Variants in UMODL1 observed in about 807,000 individuals in gnomAD.
UMODL1 encodes the protein uromodulin like 1.
A neutral mutation model predicts 136.3 loss-of-function variants in UMODL1; 128 were observed. The observed-to-expected ratio is 0.94, with a 90% CI of 0.81 to 1.09. The LOEUF (loss-of-function observed/expected upper bound fraction) is 1.09, where lower values mean the gene tolerates loss of function less well. Among genes scored for constraint, UMODL1 ranks in the 50% least tolerant of loss-of-function variants. The pLI is 0.00. For missense variants in UMODL1, 1,766 were observed against 1,725.6 expected, an observed-to-expected ratio of 1.02 and a Z score of -0.41; for synonymous variants, 721 against 720.0, an observed-to-expected ratio of 1.00 and a Z score of -0.02.
In UMODL1 at chr21:42,073,351, C is replaced by T. The variant is rs565259067; in HGVS notation, c.76+1959C>T. On this transcript the variant is annotated intron_variant, in intron 1 of 22. Coordinates refer to ENST00000408910, the MANE Select transcript of UMODL1 (RefSeq NM_001004416.3). ...GCTCTCAGCCAAGCTGCCCTGGTCCCGGAAGCTGATTTGTCCTGTTCCACC... is the reference window on the plus strand; with the variant it reads ...GCTCTCAGCCAAGCTGCCCTGGTCCTGGAAGCTGATTTGTCCTGTTCCACC... 4.6e-5 allele frequency among the ~76,000 whole-genome samples: 7 copies of T among 152,304 alleles called. No homozygotes were observed. The South Asian group carries it at 1.0e-3, about 23-fold the overall frequency.
Position 42,103,870 on chromosome 21 carries a change from C to T in UMODL1, c.1302C>T (p.Val434=), listed in dbSNP as rs1236415967. Residue 434 remains valine (V), a splice_region_variant and synonymous_variant, in exon 9 of 23, where the codon GTC becomes GTT. Coordinates refer to ENST00000408910, the MANE Select transcript of UMODL1 (RefSeq NM_001004416.3). The part of the protein sequence containing the change: ...QDFSRQLLHE[V]ESSFPPVVSD... ...TGCTGTTGCCTCTTCTTGGCTAGGT[C>T]GAGAGCTCCTTCCCACCAGTGGTGT... The T allele has an allele frequency of 3.1e-6, 5 of 1,614,100 alleles. No homozygotes were observed. The East Asian group carries it at 6.7e-5, about 22-fold the overall frequency.
At chr21:42,079,997 G>A (rs1413890489) in intron 2 of UMODL1, among the ~76,000 whole-genome samples, 1 of 152,196 alleles carries the variant, frequency 6.6e-6, no homozygotes, top group Non-Finnish European at 1.5e-5. Context: ...AGCCCACGAG[G>A]CTTCTGCAAC....
At chr21:42,098,620 T>G (rs1180821424) in intron 6 of UMODL1, among the ~76,000 whole-genome samples, 1 of 151,880 alleles carries the variant, frequency 6.6e-6, no homozygotes, top group Non-Finnish European at 1.5e-5. Context: ...TGCAAAAAAT[T>G]AGCCGGGCGT....
intron 16 of UMODL1, among the ~76,000 whole-genome samples, chr21:42,121,478 G>A (rs1473928866): frequency 1.3e-5 from 2 of 152,136 alleles, no homozygotes; most frequent in Non-Finnish European, 2.9e-5. Context: ...ATCTCTCCAA[G>A]TGCTAGCTCT....
rs775490207 is a variant in UMODL1, at chr21:42,086,491, T to C, written c.603+1079T>C. ...GACAGGTAGTCTGCAGCCTCGGCCT[T>C]AACAGCCCGGGCTAGGAGTGATTCC... On this transcript the variant is annotated intron_variant, in intron 4 of 22. Transcript: ENST00000408910. The C allele has an allele frequency of 6.6e-6, 3 of 455,198 alleles. No individual in the cohort carries two copies. The Admixed American group carries it at 7.0e-5, about 11-fold the overall frequency. The allele number at this position is 455,198 out of a possible 1,614,324, so 28.2% of individuals were successfully genotyped here. A position where few individuals can be genotyped will look rare whatever the true frequency, so the allele number is the denominator to read the frequency against.
At chr21:42,089,735 GT>G (rs2066468006) in intron 5 of UMODL1, among the ~76,000 whole-genome samples, 2 of 152,214 alleles carry the variant, frequency 1.3e-5, no homozygotes, top group South Asian at 4.1e-4. Context: ...GCCATAGTTT[GT>G]AAAGAACTAA....
upstream of UMODL1, among the ~76,000 whole-genome samples, chr21:42,070,136 C>T (rs1377256024): frequency 5.3e-5 from 8 of 152,170 alleles, no homozygotes; most frequent in South Asian, 4.1e-4. Context: ...GAGGTAGCAA[C>T]GTTGGTGCGG....
chr21:42,069,023 G>A (rs542644288), upstream of UMODL1, among the ~76,000 whole-genome samples: 3 of 152,176 alleles, frequency 2.0e-5, no homozygotes, highest in Non-Finnish European at 4.4e-5. Context: ...CTGCTGGATG[G>A]ACTGTGGAAG....
rs376365413 is a variant in UMODL1 at position 42,125,145 on chromosome 21, C to A, written c.3148-1200C>A. ...AACCCAGAGTCCTGGCATGGGGTGT[C>A]AATGTCTGGGAGCCGACAAAGTGGG... On this transcript the variant is annotated intron_variant, in intron 17 of 22. Transcript: ENST00000408910. 4.6e-5 allele frequency among the ~76,000 whole-genome samples: 7 copies of A among 152,134 alleles called. No homozygotes were observed. The South Asian group carries it at 8.3e-4, about 18-fold the overall frequency.
At chr21:42,064,646 T>A (rs1300869784) in intron 1 of UMODL1, among the ~76,000 whole-genome samples, 1 of 149,902 alleles carries the variant, frequency 6.7e-6, no homozygotes, top group Non-Finnish European at 1.5e-5. Flanking sequence ...AACCTCTGCC[T>A]CCAGGTTCAA....
At position 42,122,737 on chromosome 21, in the gene UMODL1, G is replaced by A. The variant is rs115526554; in HGVS notation, c.2828-94G>A. On this transcript the variant is annotated intron_variant, in intron 16 of 22. Transcript: ENST00000408910. The surrounding 1 kb of genome is among the most constrained non-coding windows in gnomAD (Gnocchi z 4.3). ...TTCCCAGGTGTGGCTGCTGCAGAGT[G>A]CAGGGCAGCTCCAGTCTGCTCCTTA... The A allele has an allele frequency of 4.7e-5, 62 of 1,306,312 alleles. No homozygotes were observed. In the African/African-American group the frequency reaches 7.4e-4, roughly 16 times the overall value. The allele number at this position is 1,306,312 out of a possible 1,614,324, so 80.9% of individuals were successfully genotyped here. A position where few individuals can be genotyped will look rare whatever the true frequency, so the allele number is the denominator to read the frequency against.
Position 42,127,814 on chromosome 21 carries a change from G to C in UMODL1, c.3673G>C (p.Gly1225Arg). ...ACTCCGCGTCTGCATGGAATCCCCC[G>C]GAGCCACGTGCAAAATCGTAAGTGT... ...CKLRVCMESP[G>R]ATCKINCNNF... Residue 1225 changes from glycine to arginine, a missense_variant, in exon 20 of 23, where the codon GGA becomes CGA. Physicochemically the swap from Gly to Arg is moderately radical, Grantham distance 125 (BLOSUM62 -2). Coordinates refer to ENST00000408910, the MANE Select transcript of UMODL1 (RefSeq NM_001004416.3). 3.1e-6 allele frequency: 5 copies of C among 1,611,962 alleles called. No individual in the cohort carries two copies. Among genetic ancestry groups the C allele is most frequent in the Non-Finnish European group, 3.4e-6 (4 of 1,179,464 alleles).
intron 19 of UMODL1, 82 bp from the exon 20 acceptor site, chr21:42,127,590 T>C (rs1569175966): frequency 1.5e-5 from 21 of 1,447,524 alleles, no homozygotes; most frequent in South Asian, 1.2e-4. Flanking sequence ...TGTCGTCAGA[T>C]GTAGTCGTGA....
chr21:42,138,871 G>A (rs577680779), intron 22 of UMODL1, among the ~76,000 whole-genome samples: 11 of 152,034 alleles, frequency 7.2e-5, no homozygotes, highest in African/African-American at 1.9e-4. Flanking sequence ...CACCGTGCCC[G>A]GCCAAATTTT....
intron 2 of UMODL1, among the ~76,000 whole-genome samples, chr21:42,078,953 A>G (rs1353411484): frequency 6.6e-6 from 1 of 152,204 alleles, no homozygotes; most frequent in Admixed American, 6.5e-5. Flanking sequence ...GCTGCTGTGC[A>G]ACAACTCCAC....
intron 2 of UMODL1, among the ~76,000 whole-genome samples, chr21:42,078,247 G>A (rs1429339718): frequency 2.1e-5 from 1 of 47,930 alleles, no homozygotes; most frequent in Admixed American, 1.6e-4. Flanking sequence ...GAAACCAGGC[G>A]GGGCCAGCTG....
At chr21:42,064,560 T>G (rs2146401759) in intron 1 of UMODL1, among the ~76,000 whole-genome samples, 1 of 152,224 alleles carries the variant, frequency 6.6e-6, no homozygotes, top group East Asian at 1.9e-4. Context: ...TTCTTTCTTT[T>G]CTTTTTTTCT....
chr21:42,075,536 A>T (rs1230753446), intron 1 of UMODL1, among the ~76,000 whole-genome samples: 4 of 152,180 alleles, frequency 2.6e-5, no homozygotes, highest in African/African-American at 4.8e-5. Flanking sequence ...ACTGCTGCAC[A>T]TTCACTTCCC....
intron 21 of UMODL1, among the ~76,000 whole-genome samples, chr21:42,132,895 A>AT (rs1225219211): frequency 5.3e-5 from 8 of 152,244 alleles, no homozygotes; most frequent in Non-Finnish European, 1.2e-4. Flanking sequence ...TTCCTACTTC[A>AT]TAAAGAGCCT....
Sources: allele counts gnomAD v4.1 joint callset (sites outside exome capture counted in the v4.1 genomes callset), GRCh38; gene constraint gnomAD v4.1.1; non-coding constraint Gnocchi (gnomAD v3.1); transcripts MANE v1.5; gene names NCBI Gene and HGNC (gene_info 2026-07-23, HGNC 2026-07-21).